Variants in OSBPL8 observed in about 807,000 individuals in gnomAD.
The protein encoded by OSBPL8 is oxysterol binding protein like 8, also known as oxysterol-binding protein-related protein 8.
OSBPL8 carries 59 observed loss-of-function variants against 125.5 expected under a neutral mutation model. The observed-to-expected ratio is 0.47, with a 90% CI of 0.38 to 0.58. The LOEUF (loss-of-function observed/expected upper bound fraction) is 0.58. OSBPL8 is among the 20% of genes least tolerant of loss of function. The probability of loss-of-function intolerance (pLI) is 0.00; values close to 1 mark genes in which losing one functional copy is unlikely to be tolerated. For synonymous variants in OSBPL8, 330 were observed against 338.9 expected (o/e 0.97, Z 0.29); for missense variants, 758 against 1,047.8 (o/e 0.72, Z 3.82).
chr12:76,533,076 T>A (rs1950392226), intron 1 of OSBPL8, among the ~76,000 whole-genome samples: 3 of 152,216 alleles, frequency 2.0e-5, no homozygotes, highest in Non-Finnish European at 4.4e-5. Context: ...AAAATAAAAA[T>A]TAACTTCAAA....
chr12:76,501,642 G>T (rs1879912482), intron 1 of OSBPL8, among the ~76,000 whole-genome samples: 1 of 152,188 alleles, frequency 6.6e-6, no homozygotes, highest in African/African-American at 2.4e-5. Flanking sequence ...TAGCCATGGT[G>T]ACAGGGATGG....
In OSBPL8 at chr12:76,384,350, C is replaced by A. The variant is rs1207874779; in HGVS notation, c.1534G>T (p.Val512Leu). The A allele has an allele frequency of 2.0e-6, 3 of 1,476,672 alleles. No homozygotes were observed. Among genetic ancestry groups the A allele is most frequent in the Non-Finnish European group, 2.8e-6 (3 of 1,087,932 alleles). 91.5% of individuals were successfully genotyped at this position (1,476,672 alleles called of 1,614,324 possible). A position where few individuals can be genotyped will look rare whatever the true frequency, so the allele number is the denominator to read the frequency against. ...NSKTFYIAEQ[V>L]SHHPPISAFY... ...GCAGATATTGGTGGATGATGGGACA[C>A]CTATTAAACATAAGAAAAACATGCA... is the stretch of plus-strand genomic sequence containing the variant. The change falls in exon 15 of 24, where the codon GTG (valine) becomes TTG (leucine). Residue 512 changes from valine (V) to leucine (L), a missense_variant and splice_region_variant. Transcript: ENST00000261183.
chr12:76,389,650 T>A lies in OSBPL8; in HGVS notation c.1347A>T (p.Leu449=). 6.4e-7 allele frequency: 1 copy of A among 1,563,034 alleles called. No homozygotes were observed. ...AGAAATAAGAATCTACTTACTCAGA[T>A]AGGAAATCTGCATGATAGTAGTAAT... ...LSDYYYHADF[L]SEAALEENPY... The change falls in exon 12 of 24, where the codon CTA becomes CTT. Residue 449 remains leucine (L), a synonymous_variant. Transcript: ENST00000261183.
In OSBPL8 at chr12:76,472,219, C is replaced by A. The variant is rs191762213; in HGVS notation, c.43-12324G>T. ...ATCTGTAAGATGAGGATACCACCAT[C>A]TTAACATCATTTTTAAGATTCTACA... is the stretch of plus-strand genomic sequence containing the variant. On this transcript the variant is annotated intron_variant, in intron 2 of 23. Transcript: ENST00000261183. Among the ~76,000 whole-genome samples, 423 of 152,314 alleles carry A rather than the reference C, an allele frequency of 2.8e-3. 2 individuals are homozygous for A. Among genetic ancestry groups the A allele is most frequent in the Admixed American group, 0.024 (360 of 15,306 alleles).
chr12:76,558,088 G>C (rs983316382), intron 1 of OSBPL8, among the ~76,000 whole-genome samples: 1 of 151,292 alleles, frequency 6.6e-6, no homozygotes, highest in Non-Finnish European at 1.5e-5. Flanking sequence ...TCAGCCCTTT[G>C]AGCAGGTATA....
chr12:76,441,017 C>T (rs1229183200), intron 4 of OSBPL8, among the ~76,000 whole-genome samples: 1 of 152,138 alleles, frequency 6.6e-6, no homozygotes, highest in African/African-American at 2.4e-5. Flanking sequence ...ATCTACTTTG[C>T]TACGTTACTG....
intron 21 of OSBPL8, among the ~76,000 whole-genome samples, chr12:76,363,730 G>A (rs1255941399): frequency 6.6e-6 from 1 of 152,138 alleles, no homozygotes; most frequent in East Asian, 1.9e-4. Flanking sequence ...GCAACCTACA[G>A]AATGGGAGAA....
chr12:76,415,497 C>T (rs1188279858), intron 4 of OSBPL8, among the ~76,000 whole-genome samples: 2 of 152,188 alleles, frequency 1.3e-5, no homozygotes, highest in Non-Finnish European at 1.5e-5. Flanking sequence ...ATCCACCCGC[C>T]TTGGCCTCCT....
chr12:76,480,060 G>A (rs541145759), intron 2 of OSBPL8, among the ~76,000 whole-genome samples: 5 of 151,254 alleles, frequency 3.3e-5, no homozygotes, highest in East Asian at 3.9e-4. Context: ...CCAGCTACTC[G>A]GGAGGCTGAG....
intron 4 of OSBPL8, among the ~76,000 whole-genome samples, chr12:76,411,551 T>C (rs1008249755): frequency 2.0e-5 from 3 of 152,178 alleles, no homozygotes; most frequent in East Asian, 3.9e-4. Flanking sequence ...GATAATACCA[T>C]TGATTCTGCA....
In OSBPL8 at chr12:76,400,850, G is replaced by A. The variant is rs182540975; in HGVS notation, c.367-876C>T. 4.0e-5 allele frequency among the ~76,000 whole-genome samples: 6 copies of A among 149,740 alleles called. No homozygotes were observed. The East Asian group carries it at 7.9e-4, about 20-fold the overall frequency. ...GTAACCCAGGCTGGAGTGCAGTGGCGGAATCTCAGCTCACTACAACCTCCG... is the reference window on the plus strand; with the variant it reads ...GTAACCCAGGCTGGAGTGCAGTGGCAGAATCTCAGCTCACTACAACCTCCG... On this transcript the variant is annotated intron_variant, in intron 6 of 23. Transcript: ENST00000261183.
intron 1 of OSBPL8, chr12:76,536,953 A>T (rs1404416042): frequency 6.6e-6 from 1 of 152,532 alleles, no homozygotes; most frequent in African/African-American, 2.4e-5. Context: ...CATTTAAAAC[A>T]GAGAAAAATA....
At chr12:76,416,207 C>G (rs1450963875) in intron 4 of OSBPL8, among the ~76,000 whole-genome samples, 1 of 151,884 alleles carries the variant, frequency 6.6e-6, no homozygotes, top group African/African-American at 2.4e-5. Context: ...GAATTTTAAA[C>G]ATAACAGAAT....
In OSBPL8 at chr12:76,554,346, T is replaced by C. The variant is rs190814215; in HGVS notation, c.-68+5051A>G. On this transcript the variant is annotated intron_variant, in intron 1 of 23. Transcript: ENST00000261183. ...AGGAAGATCACAAGGTCAAGACGTA[T>C]CAAGAGGAGCAACTGCAAATAAATT... 1.1e-4 allele frequency among the ~76,000 whole-genome samples: 17 copies of C among 152,256 alleles called. No individual in the cohort carries two copies. The East Asian group carries it at 3.3e-3, about 29-fold the overall frequency.
chr12:76,432,941 CAT>C (rs1278087667), intron 4 of OSBPL8, among the ~76,000 whole-genome samples: 1 of 152,064 alleles, frequency 6.6e-6, no homozygotes, highest in Admixed American at 6.6e-5. Flanking sequence ...GATGGTTCAA[CAT>C]ATACAAATCA....
chr12:76,502,360 AG>A (rs1879990956), intron 1 of OSBPL8, among the ~76,000 whole-genome samples: 1 of 152,176 alleles, frequency 6.6e-6, no homozygotes, highest in South Asian at 2.1e-4. Context: ...TGCCTTCACC[AG>A]GAGACACAGC....
At chr12:76,430,673 T>C (rs1431599934) in intron 4 of OSBPL8, among the ~76,000 whole-genome samples, 2 of 152,210 alleles carry the variant, frequency 1.3e-5, no homozygotes, top group Non-Finnish European at 2.9e-5. Context: ...TAAGACTATC[T>C]ACAACATTTT....
chr12:76,503,744 C>T (rs1025749024), intron 1 of OSBPL8, among the ~76,000 whole-genome samples: 8 of 151,960 alleles, frequency 5.3e-5, no homozygotes, highest in African/African-American at 9.7e-5. Flanking sequence ...TGGGTTTCAC[C>T]GTGCTAGCTA....
chr12:76,402,772 A>T lies in OSBPL8; in HGVS notation c.289-6T>A. On this transcript the variant is annotated splice_polypyrimidine_tract_variant and splice_region_variant and intron_variant, in intron 5 of 23. Transcript: ENST00000261183. Reference sequence around the variant, plus strand: ...TTATAAAGTTTAGATTCAGACTGAAATCATACAGAAACAAGAGAAATTAAA... The same window carrying T: ...TTATAAAGTTTAGATTCAGACTGAATTCATACAGAAACAAGAGAAATTAAA... 1 of 1,564,234 alleles carries T rather than the reference A, an allele frequency of 6.4e-7. No individual in the cohort carries two copies. The highest frequency in any genetic ancestry group is 2.2e-5 in the East Asian group (1 of 44,526).
Sources: allele counts gnomAD v4.1 joint callset (sites outside exome capture counted in the v4.1 genomes callset), GRCh38; gene constraint gnomAD v4.1.1; transcripts MANE v1.5; gene names NCBI Gene and HGNC (gene_info 2026-07-23, HGNC 2026-07-21).